BRINP3: variants seen among roughly 807,000 people sequenced by gnomAD.
BRINP3 encodes the protein BMP/retinoic acid-inducible neural-specific protein 3.
In BRINP3, 19 loss-of-function variants were observed where a neutral mutation model predicts 71.0. The ratio of observed to expected loss-of-function variants is 0.27; its 90% CI spans 0.19 to 0.39. The LOEUF (loss-of-function observed/expected upper bound fraction) is 0.39, where lower values mean the gene tolerates loss of function less well. Ranked by LOEUF, BRINP3 falls within the 10% of genes least tolerant of loss-of-function variation. BRINP3 has a pLI of 1.00. For missense variants in BRINP3, 959 were observed against 940.8 expected (o/e 1.02, Z -0.25); for synonymous variants, 380 against 337.7 (o/e 1.13, Z -1.37).
intron 7 of BRINP3, among the ~76,000 whole-genome samples, chr1:190,151,153 A>G (rs1182793401): frequency 6.6e-6 from 1 of 152,174 alleles, no homozygotes; most frequent in African/African-American, 2.4e-5. Flanking sequence ...TCTCAAAAAA[A>G]AAGAAAAAAG....
intron 1 of BRINP3, among the ~76,000 whole-genome samples, chr1:190,475,231 A>C (rs1677423063): frequency 6.6e-6 from 1 of 152,214 alleles, no homozygotes; most frequent in African/African-American, 2.4e-5. Context: ...TTAGGGTTTT[A>C]TAAAGCAGGC....
intron 2 of BRINP3, among the ~76,000 whole-genome samples, chr1:190,293,740 T>C (rs1006507992): frequency 5.3e-5 from 8 of 152,192 alleles, no homozygotes; most frequent in African/African-American, 1.9e-4. Flanking sequence ...TATATCCTGT[T>C]ACTGAATTGA....
At chr1:190,320,203 AC>A (rs1461755178) in intron 2 of BRINP3, among the ~76,000 whole-genome samples, 1 of 152,086 alleles carries the variant, frequency 6.6e-6, no homozygotes, top group African/African-American at 2.4e-5. Context: ...CCAAATAAAT[AC>A]CCAAAACACT....
chr1:190,437,186 A>G (rs573689297), intron 2 of BRINP3, among the ~76,000 whole-genome samples: 9 of 151,884 alleles, frequency 5.9e-5, no homozygotes, highest in African/African-American at 2.2e-4. Context: ...TTGAAATTTT[A>G]CTTGTGAAAA....
At chr1:190,214,069 G>A (rs752129285) in intron 6 of BRINP3, among the ~76,000 whole-genome samples, 9 of 151,904 alleles carry the variant, frequency 5.9e-5, no homozygotes, top group Admixed American at 6.6e-5. Flanking sequence ...TTGAGTCCCC[G>A]AAAAACAGAA....
chr1:190,117,967 G>C (rs1205973139), intron 7 of BRINP3, among the ~76,000 whole-genome samples: 6 of 151,784 alleles, frequency 4.0e-5, no homozygotes, highest in Non-Finnish European at 7.4e-5. Context: ...CATTTAACTT[G>C]TTCTTACCTC....
intron 4 of BRINP3, among the ~76,000 whole-genome samples, chr1:190,264,469 C>A (rs1661475921): frequency 6.6e-6 from 1 of 152,038 alleles, no homozygotes; most frequent in African/African-American, 2.4e-5. Context: ...CGACTTTAAG[C>A]CTGATAAAGC....
intron 2 of BRINP3, among the ~76,000 whole-genome samples, chr1:190,321,820 G>T (rs1305161256): frequency 6.6e-6 from 1 of 151,874 alleles, no homozygotes; most frequent in African/African-American, 2.4e-5. Context: ...TTTACCTTGT[G>T]GTATGCAAAC....
chr1:190,336,268 CTA>C (rs1415606045), intron 2 of BRINP3, among the ~76,000 whole-genome samples: 3 of 151,974 alleles, frequency 2.0e-5, no homozygotes, highest in Non-Finnish European at 4.4e-5. Context: ...GAAGATTAAT[CTA>C]TGTTTTACTA....
intron 2 of BRINP3, among the ~76,000 whole-genome samples, chr1:190,368,784 A>G (rs1669672937): frequency 6.6e-6 from 1 of 152,178 alleles, no homozygotes; most frequent in Non-Finnish European, 1.5e-5. Flanking sequence ...ATCAGACCTT[A>G]GTTATAGATT....
chr1:190,131,038 T>C (rs1423724894), intron 7 of BRINP3, among the ~76,000 whole-genome samples: 1 of 151,928 alleles, frequency 6.6e-6, no homozygotes, highest in East Asian at 1.9e-4. Flanking sequence ...GTTCATTCAT[T>C]ACTCATTGTG....
At chr1:190,214,026 A>G (rs940257994) in intron 6 of BRINP3, among the ~76,000 whole-genome samples, 3 of 151,998 alleles carry the variant, frequency 2.0e-5, no homozygotes, top group Non-Finnish European at 2.9e-5. Context: ...AAGGAGGATA[A>G]TGGGATGGAA....
Position 190,281,383 on chromosome 1 carries a change from C to A in BRINP3, c.427+177G>T, listed in dbSNP as rs1663025515. On this transcript the variant is annotated intron_variant, in intron 3 of 7. Coordinates refer to ENST00000367462, the MANE Select transcript of BRINP3 (RefSeq NM_199051.3). ...AACTTAGTAATATTCATCTGCTTCA[C>A]AACTGTGAACACTGTGTGGGACATT... 5.9e-5 allele frequency among the ~76,000 whole-genome samples: 9 copies of A among 151,942 alleles called. No homozygotes were observed. The Admixed American group carries it at 5.9e-4, about 10-fold the overall frequency.
intron 6 of BRINP3, among the ~76,000 whole-genome samples, chr1:190,184,633 G>GA (rs948139712): frequency 4.6e-5 from 7 of 151,894 alleles, no homozygotes; most frequent in South Asian, 2.1e-4. Context: ...CGCAAAAACA[G>GA]AAAAAAAATA....
intron 6 of BRINP3, among the ~76,000 whole-genome samples, chr1:190,191,837 G>C (rs943580901): frequency 6.6e-6 from 1 of 151,664 alleles, no homozygotes; most frequent in Admixed American, 6.6e-5. Context: ...TTTATGTTTC[G>C]GAAAAAATAT....
At chr1:190,320,721 C>T (rs765871563) in intron 2 of BRINP3, among the ~76,000 whole-genome samples, 1 of 151,724 alleles carries the variant, frequency 6.6e-6, no homozygotes, top group African/African-American at 2.4e-5. Context: ...ACCATTTAGG[C>T]AGGCCAGTGA....
chr1:190,291,038 G>T (rs12073296), intron 2 of BRINP3, among the ~76,000 whole-genome samples: 21,350 of 151,760 alleles, frequency 0.14, 1,976 homozygotes, highest in South Asian at 0.27. Flanking sequence ...CCATTAAATG[G>T]GGAGGAATGT....
rs757137302 is a variant in BRINP3, at chr1:190,098,063, T to C, written c.2256A>G (p.Lys752=). Reference sequence around the variant, plus strand: ...TGTCATAATCCATTGTGTTTGGCAATTTGGCATTAAACGCCTGCAGAGCAG... The same window carrying C: ...TGTCATAATCCATTGTGTTTGGCAACTTGGCATTAAACGCCTGCAGAGCAG... ...IQSALQAFNA[K]LPNTMDYDTT... Residue 752 remains lysine (K), a synonymous_variant, in exon 8 of 8, where the codon AAA becomes AAG. Coordinates refer to ENST00000367462, the MANE Select transcript of BRINP3 (RefSeq NM_199051.3). 1.2e-6 allele frequency: 2 copies of C among 1,613,686 alleles called. No individual in the cohort carries two copies. Among genetic ancestry groups the C allele is most frequent in the African/African-American group, 1.3e-5 (1 of 74,898 alleles).
chr1:190,229,906 A>C (rs114786784), intron 5 of BRINP3, among the ~76,000 whole-genome samples: 2,347 of 152,098 alleles, frequency 0.015, 87 homozygotes, highest in African/African-American at 0.053. Flanking sequence ...TCAAACAAGA[A>C]TGATAAATTA....
Sources: allele counts gnomAD v4.1 joint callset (sites outside exome capture counted in the v4.1 genomes callset), GRCh38; gene constraint gnomAD v4.1.1; transcripts MANE v1.5; gene names NCBI Gene and HGNC (gene_info 2026-07-23, HGNC 2026-07-21).